HAUS6: variants seen among roughly 807,000 people sequenced by gnomAD.
The protein encoded by HAUS6 is HAUS augmin-like complex subunit 6.
In HAUS6, 80 loss-of-function variants were observed where a neutral mutation model predicts 106.8. The observed-to-expected ratio is 0.75, with a 90% confidence interval of 0.63 to 0.90. The LOEUF is 0.90. Ranked by LOEUF, HAUS6 falls within the 40% of genes least tolerant of loss-of-function variation. The pLI is 0.00. For missense variants in HAUS6, 1,155 were observed against 1,118.1 expected (o/e 1.03, Z -0.47); for synonymous variants, 356 against 379.1 (o/e 0.94, Z 0.71).
intron 12 of HAUS6, among the ~76,000 whole-genome samples, chr9:19,067,835 A>G (rs7022807): frequency 0.46 from 69,089 of 151,720 alleles, 16,953 homozygotes; most frequent in African/African-American, 0.66. Flanking sequence ...TGGGATTATA[A>G]GCATGCGCCA....
intron 5 of HAUS6, 143 bp from the exon 6 acceptor site, chr9:19,087,299 T>C: frequency 1.6e-6 from 1 of 622,238 alleles, no homozygotes; most frequent in Non-Finnish European, 2.9e-6. Context: ...AGACTCTCTT[T>C]ATCACACAAG....
At position 19,102,635 on chromosome 9, in the gene HAUS6, A is replaced by G; in HGVS notation, c.17T>C (p.Val6Ala). The change falls in exon 1 of 17, where the codon GTC (valine) becomes GCC (alanine). Residue 6 changes from valine (V) to alanine (A), a missense_variant. Physicochemically the swap from Val to Ala is moderately conservative, Grantham distance 64. Coordinates refer to ENST00000380502, the MANE Select transcript of HAUS6 (RefSeq NM_017645.5). MSSAS[V>A]TAFEKEHLWM... The stretch of plus-strand genomic sequence containing the variant: ...GAGATGCTCCTTCTCGAAAGCGGTG[A>G]CCGAGGCCGAGCTCATCCTCGCGGT... 1 of 1,612,708 alleles carries G rather than the reference A, an allele frequency of 6.2e-7. No individual in the cohort carries two copies. Among genetic ancestry groups the G allele is most frequent in the East Asian group, 2.2e-5 (1 of 44,792 alleles).
intron 4 of HAUS6, among the ~76,000 whole-genome samples, chr9:19,090,459 G>T (rs1272366513): frequency 6.6e-6 from 1 of 151,990 alleles, no homozygotes; most frequent in Non-Finnish European, 1.5e-5. Flanking sequence ...CCGCCTCCAG[G>T]GTTCACGCCA....
At chr9:19,088,346 G>A (rs1386250142) in intron 5 of HAUS6, among the ~76,000 whole-genome samples, 2 of 151,626 alleles carry the variant, frequency 1.3e-5, no homozygotes, top group East Asian at 1.9e-4. Context: ...AACCTGGGAG[G>A]TGGAGGTTGC....
Position 19,089,563 on chromosome 9 carries a change from C to T in HAUS6, c.437-4G>A, listed in dbSNP as rs376138850. Reference sequence around the variant, plus strand: ...TCTACAAAATGATGAGAAGAATCTACACAGAACACAAATAAGATTATAGAA... The same window carrying T: ...TCTACAAAATGATGAGAAGAATCTATACAGAACACAAATAAGATTATAGAA... On this transcript the variant is annotated splice_region_variant and splice_polypyrimidine_tract_variant and intron_variant, in intron 4 of 16. Coordinates refer to ENST00000380502, the MANE Select transcript of HAUS6 (RefSeq NM_017645.5). 5 of 1,604,322 alleles carry T rather than the reference C, an allele frequency of 3.1e-6. No individual in the cohort carries two copies. The highest frequency in any genetic ancestry group is 4.3e-6 in the Non-Finnish European group (5 of 1,173,132).
intron 4 of HAUS6, among the ~76,000 whole-genome samples, chr9:19,092,447 C>T (rs1817772113): frequency 6.6e-6 from 1 of 151,338 alleles, no homozygotes; most frequent in Non-Finnish European, 1.5e-5. Context: ...GAAACCCCAT[C>T]TCTACTAAAA....
At chr9:19,100,023 T>C (rs1301100648) in intron 1 of HAUS6, among the ~76,000 whole-genome samples, 1 of 152,110 alleles carries the variant, frequency 6.6e-6, no homozygotes, top group Non-Finnish European at 1.5e-5. Context: ...AGAAACCCGG[T>C]CTCTACTAAA....
intron 12 of HAUS6, chr9:19,065,188 A>G (rs1193824161): frequency 6.6e-6 from 1 of 152,230 alleles, no homozygotes; most frequent in Non-Finnish European, 1.5e-5. Flanking sequence ...CTCATTTCTG[A>G]ACTGGCAACA....
intron 11 of HAUS6, among the ~76,000 whole-genome samples, chr9:19,072,732 G>C (rs957245873): frequency 2.6e-5 from 4 of 152,002 alleles, no homozygotes; most frequent in Non-Finnish European, 5.9e-5. Context: ...CAAGAACTAA[G>C]CATATACTTT....
chr9:19,066,407 G>C (rs1260858233), intron 12 of HAUS6, among the ~76,000 whole-genome samples: 1 of 152,126 alleles, frequency 6.6e-6, no homozygotes, highest in Non-Finnish European at 1.5e-5. Flanking sequence ...ACTATAAAAA[G>C]AGAAAGATAT....
At chr9:19,079,557 T>A (rs527951414) in intron 9 of HAUS6, among the ~76,000 whole-genome samples, 13 of 152,026 alleles carry the variant, frequency 8.6e-5, no homozygotes, top group African/African-American at 2.9e-4. Context: ...AGATAGAAGT[T>A]TTTCCTTGCT....
chr9:19,091,192 C>A (rs982352025), intron 4 of HAUS6, among the ~76,000 whole-genome samples: 1 of 151,810 alleles, frequency 6.6e-6, no homozygotes, highest in Admixed American at 6.6e-5. Flanking sequence ...CCCAGCTACT[C>A]GGAAGGCTGA....
chr9:19,092,913 T>C (rs1185861079), intron 4 of HAUS6, among the ~76,000 whole-genome samples: 1 of 115,752 alleles, frequency 8.6e-6, no homozygotes, highest in African/African-American at 3.5e-5. Context: ...CGAAACTGTG[T>C]CTCAAAAAAA....
intron 7 of HAUS6, among the ~76,000 whole-genome samples, chr9:19,086,207 A>T (rs1356610433): frequency 6.6e-6 from 1 of 151,708 alleles, no homozygotes; most frequent in African/African-American, 2.4e-5. Context: ...CCTACTAGGG[A>T]GGCTGAGGCA....
intron 10 of HAUS6, among the ~76,000 whole-genome samples, chr9:19,076,922 C>A (rs545731587): frequency 6.6e-5 from 10 of 152,308 alleles, no homozygotes; most frequent in Admixed American, 2.6e-4. Flanking sequence ...TAGCTCACTG[C>A]AGCCTCAAAC....
Position 19,096,662 on chromosome 9 carries a change from AT to A in HAUS6, c.224+11del. The A allele has an allele frequency of 8.5e-7, 1 of 1,173,948 alleles. No individual in the cohort carries two copies. 72.7% of individuals were successfully genotyped at this position (1,173,948 alleles called of 1,614,324 possible). A position where few individuals can be genotyped will look rare whatever the true frequency, so the allele number is the denominator to read the frequency against. ...GAAAGAAATTTAAGAAAATGAAATTATTTTTCCTTACTTGAAAACTTCTTTG... is the reference window on the plus strand; with the variant it reads ...GAAAGAAATTTAAGAAAATGAAATTATTTTCCTTACTTGAAAACTTCTTTG... On this transcript the variant is annotated intron_variant, in intron 2 of 16. Coordinates refer to ENST00000380502, the MANE Select transcript of HAUS6 (RefSeq NM_017645.5).
At chr9:19,097,606 G>A (rs995159519) in intron 1 of HAUS6, among the ~76,000 whole-genome samples, 2 of 152,076 alleles carry the variant, frequency 1.3e-5, no homozygotes, top group Non-Finnish European at 2.9e-5. Context: ...AACAACAGGT[G>A]CTGGAAAGGA....
chr9:19,085,154 A>G (rs1014457140), intron 7 of HAUS6, among the ~76,000 whole-genome samples: 8 of 152,170 alleles, frequency 5.3e-5, no homozygotes, highest in Non-Finnish European at 1.5e-5. Flanking sequence ...CTAGCAGTCT[A>G]GAGGTCTCAC....
intron 4 of HAUS6, among the ~76,000 whole-genome samples, chr9:19,092,465 A>G (rs1723816128): frequency 6.6e-6 from 1 of 151,640 alleles, no homozygotes; most frequent in Admixed American, 6.6e-5. Context: ...AAAATACAAA[A>G]TTAGCCGGGT....
Sources: allele counts gnomAD v4.1 joint callset (sites outside exome capture counted in the v4.1 genomes callset), GRCh38; gene constraint gnomAD v4.1.1; transcripts MANE v1.5; gene names NCBI Gene and HGNC (gene_info 2026-07-23, HGNC 2026-07-21).